Variants in OVCH2 observed in about 807,000 individuals in gnomAD.
OVCH2 encodes the protein ovochymase 2.
In OVCH2, 88 loss-of-function variants were observed where a neutral mutation model predicts 73.7. That is an observed-to-expected ratio of 1.19 (90% CI 1.01 to 1.43). The LOEUF (loss-of-function observed/expected upper bound fraction) is 1.43, where lower values mean the gene tolerates loss of function less well. OVCH2 is among the 40% of genes most tolerant of loss of function. The pLI is 0.00. For synonymous variants in OVCH2, 265 were observed against 234.5 expected, an observed-to-expected ratio of 1.13 and a Z score of -1.19; for missense variants, 706 against 674.5, an observed-to-expected ratio of 1.05 and a Z score of -0.52.
chr11:7,695,855 C>A (rs1856322698), intron 10 of OVCH2, 145 bp from the exon 11 acceptor site: 5 of 1,126,086 alleles, frequency 4.4e-6, no homozygotes, highest in African/African-American at 3.3e-5. Flanking sequence ...ACATTTTGAG[C>A]CAGAACCTTC....
intron 3 of OVCH2, 54 bp from the exon 4 acceptor site, chr11:7,702,383 T>G (rs1856461280): frequency 9.5e-6 from 13 of 1,365,252 alleles, no homozygotes; most frequent in Admixed American, 2.7e-5. Context: ...CTGAGTACAG[T>G]TGCAATGGTT....
In OVCH2 at chr11:7,691,978, C is replaced by T. The variant is rs1478082696; in HGVS notation, c.1431G>A (p.Leu477=). The T allele has an allele frequency of 1.3e-6, 2 of 1,571,632 alleles. No individual in the cohort carries two copies. Among genetic ancestry groups the T allele is most frequent in the Non-Finnish European group, 1.7e-6 (2 of 1,156,830 alleles). ...TGCAGTCTCCACTTTCTTCTATTTC[C>T]AGACTCTGAAATGAAAGCTGAGAAG... is the stretch of plus-strand genomic sequence containing the variant. The part of the protein sequence containing the change: ...HHLIKLSFQS[L]EIEESGDCTS... Residue 477 remains leucine (L), a synonymous_variant, in exon 13 of 16, where the codon CTG becomes CTA. Transcript: ENST00000533663.
At position 7,691,960 on chromosome 11, in the gene OVCH2, T is replaced by A; in HGVS notation, c.1449A>T (p.Gly483=). 1 of 1,576,332 alleles carries A rather than the reference T, an allele frequency of 6.3e-7. No homozygotes were observed. Among genetic ancestry groups the A allele is most frequent in the Non-Finnish European group, 8.6e-7 (1 of 1,159,382 alleles). The change falls in exon 13 of 16, where the codon GGA becomes GGT. Residue 483 remains glycine (G), a synonymous_variant. Transcript: ENST00000533663. The part of the protein sequence containing the change: ...SFQSLEIEES[G]DCTSDYVTVH... ...CTGTCACATAGTCGGAAGTGCAGTC[T>A]CCACTTTCTTCTATTTCCAGACTCT...
intron 7 of OVCH2, chr11:7,699,694 C>G (rs1298470179): frequency 6.6e-6 from 1 of 152,126 alleles, no homozygotes; most frequent in African/African-American, 2.4e-5. Flanking sequence ...ACTTACTATA[C>G]CTGGATCTAC....
chr11:7,697,676 C>T (rs1856362530), intron 8 of OVCH2, among the ~76,000 whole-genome samples: 1 of 152,148 alleles, frequency 6.6e-6, no homozygotes, highest in South Asian at 2.1e-4. Context: ...TTCTTCGTTA[C>T]AACCTTTCAT....
downstream of OVCH2, among the ~76,000 whole-genome samples, chr11:7,684,776 T>G (rs974723686): frequency 6.6e-6 from 1 of 152,040 alleles, no homozygotes; most frequent in Non-Finnish European, 1.5e-5. Context: ...CGAAAGTCTA[T>G]TTGCCTAGTG....
At chr11:7,694,615 TTGTTTTGTTTTGTTTTG>T (rs957099005) in intron 12 of OVCH2, among the ~76,000 whole-genome samples, 1 of 23,454 alleles carries the variant, frequency 4.3e-5, no homozygotes, top group African/African-American at 1.3e-4. Flanking sequence ...AGTTTTTGTT[TTGTTTTGTTTTGTTTTG>T]TGTTTTGAGA....
At chr11:7,695,355 C>T (rs192147107) in intron 11 of OVCH2, among the ~76,000 whole-genome samples, 167 bp from the exon 12 acceptor site, 2 of 152,298 alleles carry the variant, frequency 1.3e-5, no homozygotes, top group East Asian at 1.9e-4. Context: ...CAGGCCCTCT[C>T]GACTCACTTG....
At chr11:7,702,353 G>C (rs564017451) in intron 3 of OVCH2, 24 bp from the exon 4 acceptor site, 1 of 1,542,522 alleles carries the variant, frequency 6.5e-7, no homozygotes. Context: ...AGAGTAAAAT[G>C]AATGAATTTC....
At position 7,695,068 on chromosome 11, in the gene OVCH2, T is replaced by A. The variant is rs1391385106; in HGVS notation, c.1403A>T (p.His468Leu). The A allele has an allele frequency of 1.3e-6, 2 of 1,549,984 alleles. No homozygotes were observed. Among genetic ancestry groups the A allele is most frequent in the East Asian group, 4.9e-5 (2 of 40,894 alleles). The stretch of plus-strand genomic sequence containing the variant: ...AGCCAAAGTCAATACCTTAATTAGG[T>A]GATGTTTGGAGGCTTGAAAAATCCA... ...CDWIFQASKHHLIKLSFQSLE... is the reference protein window; with the variant it reads ...CDWIFQASKHLLIKLSFQSLE... Residue 468 changes from histidine (H) to leucine (L), a missense_variant, in exon 12 of 16, where the codon CAC (histidine) becomes CTC (leucine). His to Leu is a moderately conservative substitution (Grantham distance 99). Coordinates refer to ENST00000533663, the MANE Select transcript of OVCH2 (RefSeq NM_198185.7).
rs557916816 is a variant in OVCH2, at chr11:7,704,598, T to C, written c.165A>G (p.Gly55=). The C allele has an allele frequency of 3.7e-6, 6 of 1,612,642 alleles. No individual in the cohort carries two copies. In the Admixed American group the frequency reaches 8.4e-5, roughly 22 times the overall value. ...GATAGGAACCCTTCTCCACTTGGCT[T>C]CCTCCAAGAATGCGACTGAAAATGT... The part of the protein sequence containing the change: ...YFNIFSRILG[G]SQVEKGSYPW... Residue 55 remains glycine, a synonymous_variant, in exon 2 of 16, where the codon GGA becomes GGG. Transcript: ENST00000533663.
chr11:7,699,743 G>A (rs1453999660), intron 7 of OVCH2: 1 of 152,196 alleles, frequency 6.6e-6, no homozygotes, highest in South Asian at 2.1e-4. Context: ...AACCTTTTGG[G>A]TGGGATCATT....
downstream of OVCH2, among the ~76,000 whole-genome samples, chr11:7,684,504 ATATGTGTG>A (rs1257462300): frequency 4.4e-5 from 4 of 91,474 alleles, no homozygotes; most frequent in Admixed American, 2.5e-4. Flanking sequence ...ACATACATAC[ATATGTGTG>A]TGTGTGTGTG....
In OVCH2 at chr11:7,700,503, C is replaced by T. The variant is rs1394094163; in HGVS notation, c.712-18G>A. Reference sequence around the variant, plus strand: ...GAATCTCCCTGCAGAGGGAAAAAGCCTCTATTAGCATCACTGTCAGTGTCT... The same window carrying T: ...GAATCTCCCTGCAGAGGGAAAAAGCTTCTATTAGCATCACTGTCAGTGTCT... On this transcript the variant is annotated intron_variant, in intron 6 of 15. Transcript: ENST00000533663. 2.5e-6 allele frequency: 4 copies of T among 1,584,726 alleles called. No individual in the cohort carries two copies. Among genetic ancestry groups the T allele is most frequent in the Admixed American group, 3.6e-5 (2 of 55,288 alleles).
intron 10 of OVCH2, among the ~76,000 whole-genome samples, 190 bp downstream of exon 10, chr11:7,696,275 A>G (rs1856330179): frequency 6.6e-6 from 1 of 152,142 alleles, no homozygotes; most frequent in African/African-American, 2.4e-5. Context: ...TGGCAAGTAA[A>G]TTGCCCTGTG....
rs778475266 is a variant in OVCH2, at chr11:7,696,587, C to T, written c.1019G>A (p.Arg340Gln). Residue 340 changes from arginine (R) to glutamine (Q), a missense_variant and splice_region_variant, in exon 10 of 16, where the codon CGG (arginine) becomes CAG (glutamine). By Grantham distance (43) the Arg-to-Gln change is conservative (BLOSUM62 1). Coordinates refer to ENST00000533663, the MANE Select transcript of OVCH2 (RefSeq NM_198185.7). ...SLHLYYESKQRCVWTLLVPEE... is the reference protein window; with the variant it reads ...SLHLYYESKQQCVWTLLVPEE... ...TGGTACCAGCAGGGTCCAGACACAC[C>T]GTCTGTAGGCAGATCATGGAGAGGG... The T allele has an allele frequency of 2.1e-5, 34 of 1,613,956 alleles. No homozygotes were observed. The highest frequency in any genetic ancestry group is 2.5e-5 in the Non-Finnish European group (29 of 1,179,884).
rs1856180312 is a variant in OVCH2, at chr11:7,689,543, T to G, written c.*91A>C. 1 of 441,964 alleles carries G rather than the reference T, an allele frequency of 2.3e-6. No homozygotes were observed. Among genetic ancestry groups the G allele is most frequent in the Non-Finnish European group, 4.6e-6 (1 of 219,262 alleles). The allele number at this position is 441,964 out of a possible 1,614,324, so 27.4% of individuals were successfully genotyped here. On this transcript the variant is annotated 3_prime_UTR_variant, in exon 16 of 16. Coordinates refer to ENST00000533663, the MANE Select transcript of OVCH2 (RefSeq NM_198185.7). ...TGTCTGAGGGCTGTGACGAGGAGTCTGCCCCAAGCCTCTCCTCTAGCTTCT... is the reference window on the plus strand; with the variant it reads ...TGTCTGAGGGCTGTGACGAGGAGTCGGCCCCAAGCCTCTCCTCTAGCTTCT...
downstream of OVCH2, among the ~76,000 whole-genome samples, chr11:7,687,423 A>G (rs1222397309): frequency 6.6e-6 from 1 of 152,110 alleles, no homozygotes; most frequent in Non-Finnish European, 1.5e-5. Context: ...AGTGTATCGG[A>G]ACTGCTTCTA....
chr11:7,682,904 A>G, the OVCH2 span, among the ~76,000 whole-genome samples: 2 of 152,174 alleles, frequency 1.3e-5, no homozygotes, highest in Admixed American at 1.3e-4. Flanking sequence ...TTCTGTCTAA[A>G]GTCTACTCCA....
Sources: allele counts gnomAD v4.1 joint callset (sites outside exome capture counted in the v4.1 genomes callset), GRCh38; gene constraint gnomAD v4.1.1; transcripts MANE v1.5; gene names NCBI Gene and HGNC (gene_info 2026-07-23, HGNC 2026-07-21).